The following NOL4L variants were observed in gnomAD, a reference collection of about 807,000 sequenced individuals.
NOL4L encodes nucleolar protein 4 like.
Under a neutral mutation model 64.5 loss-of-function variants are expected in NOL4L, and 7 were observed. The observed-to-expected ratio is 0.11, with a 90% confidence interval of 0.06 to 0.20. NOL4L has a LOEUF of 0.20. Among genes scored for constraint, NOL4L ranks in the 10% least tolerant of loss-of-function variants. The pLI, the probability that NOL4L is intolerant of heterozygous loss-of-function variation, is 1.00. For synonymous variants in NOL4L, 413 were observed against 401.0 expected, an observed-to-expected ratio of 1.03 and a Z score of -0.36; for missense variants, 680 against 967.1, an observed-to-expected ratio of 0.70 and a Z score of 3.94.
chr20:32,511,060 G>A (rs1007834375), intron 4 of NOL4L, among the ~76,000 whole-genome samples: 2 of 152,124 alleles, frequency 1.3e-5, no homozygotes, highest in Admixed American at 6.5e-5. Context: ...CCAGGGCTGC[G>A]GCTCCCTCCC....
At chr20:32,567,523 C>T (rs1224296375) in intron 1 of NOL4L, among the ~76,000 whole-genome samples, 1 of 152,220 alleles carries the variant, frequency 6.6e-6, no homozygotes, top group African/African-American at 2.4e-5. Context: ...AAACTCTGCT[C>T]TGGCAAGTCA....
At position 32,458,544 on chromosome 20, in the gene NOL4L, C is replaced by T. The variant is rs746231583; in HGVS notation, c.842-2149G>A. Among the ~76,000 whole-genome samples the T allele has an allele frequency of 4.6e-5, 7 of 152,210 alleles. No homozygotes were observed. The East Asian group carries it at 5.8e-4, about 13-fold the overall frequency. The stretch of plus-strand genomic sequence containing the variant: ...TGCACCTGAGGTCCAGGAGCCTCCA[C>T]GGGGGACAGGGATGACACCCATACT... On this transcript the variant is annotated intron_variant, in intron 5 of 10. Coordinates refer to ENST00000621426, the MANE Select transcript of NOL4L (RefSeq NM_001256798.2).
intron 5 of NOL4L, among the ~76,000 whole-genome samples, chr20:32,472,056 G>C (rs1429509803): frequency 2.6e-5 from 4 of 152,160 alleles, no homozygotes; most frequent in African/African-American, 9.7e-5. Context: ...AGCCTTGGGA[G>C]TCCCCACACT....
chr20:32,582,790 A>G (rs1381865054), intron 1 of NOL4L, among the ~76,000 whole-genome samples: 4 of 152,092 alleles, frequency 2.6e-5, no homozygotes, highest in African/African-American at 9.7e-5. Flanking sequence ...TGGGTCACTG[A>G]CCTCAGAAAA....
chr20:32,469,089 G>A (rs542150995), intron 5 of NOL4L, among the ~76,000 whole-genome samples: 1 of 151,920 alleles, frequency 6.6e-6, no homozygotes, highest in South Asian at 2.1e-4. Context: ...GGGCTCACAG[G>A]GTCAGGCTGG....
At chr20:32,467,036 T>C (rs983334402) in intron 5 of NOL4L, among the ~76,000 whole-genome samples, 2 of 151,954 alleles carry the variant, frequency 1.3e-5, no homozygotes, top group African/African-American at 4.8e-5. Flanking sequence ...GTAATGCGGG[T>C]AATGGTCTCT....
intron 1 of NOL4L, among the ~76,000 whole-genome samples, chr20:32,572,001 G>T (rs1215743903): frequency 6.6e-6 from 1 of 152,178 alleles, no homozygotes; most frequent in Admixed American, 6.5e-5. Flanking sequence ...ATATCCCAAG[G>T]TTGGCACCCT....
intron 5 of NOL4L, among the ~76,000 whole-genome samples, chr20:32,466,559 C>T (rs556076821): frequency 6.7e-6 from 1 of 148,950 alleles, no homozygotes; most frequent in South Asian, 2.2e-4. Flanking sequence ...GCTCTCTGCT[C>T]CTGGGGGAGG....
At chr20:32,499,145 G>C (rs997811564) in intron 4 of NOL4L, among the ~76,000 whole-genome samples, 7 of 152,040 alleles carry the variant, frequency 4.6e-5, no homozygotes. Context: ...CCAAAGTGCT[G>C]GGATTACAGG....
intron 1 of NOL4L, among the ~76,000 whole-genome samples, chr20:32,540,949 G>A (rs1568701870): frequency 1.3e-5 from 2 of 149,580 alleles, no homozygotes; most frequent in Non-Finnish European, 3.0e-5. Flanking sequence ...CAGTCTGTAG[G>A]TTGCCCCACC....
intron 9 of NOL4L, 147 bp downstream of exon 9, chr20:32,452,737 C>A: frequency 7.8e-7 from 1 of 1,288,844 alleles, no homozygotes; most frequent in East Asian, 2.4e-5. Flanking sequence ...CCTCCACCCA[C>A]CTCCTCTCCT....
At chr20:32,500,536 TTC>T (rs1491259570) in intron 4 of NOL4L, among the ~76,000 whole-genome samples, 10 of 111,766 alleles carry the variant, frequency 8.9e-5, no homozygotes, top group Non-Finnish European at 1.7e-4. Flanking sequence ...TTGTATTTCT[TTC>T]TTTTTTTTTT....
chr20:32,473,666 C>CT (rs959115219), intron 5 of NOL4L, among the ~76,000 whole-genome samples: 4 of 152,168 alleles, frequency 2.6e-5, no homozygotes, highest in African/African-American at 9.7e-5. Flanking sequence ...GCTCCTACCC[C>CT]TTATTTACTC....
chr20:32,490,232 C>A (rs1397481535), intron 4 of NOL4L, among the ~76,000 whole-genome samples: 1 of 151,772 alleles, frequency 6.6e-6, no homozygotes, highest in Non-Finnish European at 1.5e-5. Flanking sequence ...ATCTCTACCC[C>A]ATAAACTGTC....
At chr20:32,488,965 C>CTTTTTTTTT (rs1174304651) in intron 4 of NOL4L, among the ~76,000 whole-genome samples, 1 of 45,078 alleles carries the variant, frequency 2.2e-5, no homozygotes, top group African/African-American at 1.3e-4. Flanking sequence ...AATTGTTGGT[C>CTTTTTTTTT]TTTTTTTTTT....
At position 32,464,907 on chromosome 20, in the gene NOL4L, G is replaced by A. The variant is rs2014410877; in HGVS notation, c.842-8512C>T. The A allele has an allele frequency of 7.0e-6, 3 of 431,556 alleles. No individual in the cohort carries two copies. The highest frequency in any genetic ancestry group is 1.6e-4 in the South Asian group (2 of 12,806). The allele number at this position is 431,556 out of a possible 1,614,324, so 26.7% of individuals were successfully genotyped here. Reference sequence around the variant, plus strand: ...TTCTTTCCTACGGAGCCGCTGAGACGCAGCGTGTATTGCACACCTGTCTGC... The same window carrying A: ...TTCTTTCCTACGGAGCCGCTGAGACACAGCGTGTATTGCACACCTGTCTGC... On this transcript the variant is annotated intron_variant, in intron 5 of 10. Coordinates refer to ENST00000621426, the MANE Select transcript of NOL4L (RefSeq NM_001256798.2). This position sits in a 1 kb window ranked among gnomAD's most constrained non-coding sequence, Gnocchi z 5.6.
chr20:32,543,236 G>T (rs1568703378), intron 1 of NOL4L, among the ~76,000 whole-genome samples: 1 of 152,194 alleles, frequency 6.6e-6, no homozygotes, highest in Non-Finnish European at 1.5e-5. Context: ...TTTGGGCTGG[G>T]TCTTGAAGGA....
chr20:32,488,822 T>C (rs1032241072), intron 4 of NOL4L, among the ~76,000 whole-genome samples: 1 of 17,824 alleles, frequency 5.6e-5, no homozygotes, highest in Non-Finnish European at 9.8e-5. Context: ...TCTTTCTTTC[T>C]TTCTTTTTCT....
intron 10 of NOL4L, among the ~76,000 whole-genome samples, chr20:32,448,752 G>A (rs991634873): frequency 3.3e-5 from 5 of 152,232 alleles, no homozygotes; most frequent in African/African-American, 1.2e-4. Flanking sequence ...CACACTAGGG[G>A]TGTGCGTGTT....
Sources: allele counts gnomAD v4.1 joint callset (sites outside exome capture counted in the v4.1 genomes callset), GRCh38; gene constraint gnomAD v4.1.1; non-coding constraint Gnocchi (gnomAD v3.1); transcripts MANE v1.5; gene names NCBI Gene and HGNC (gene_info 2026-07-23, HGNC 2026-07-21).